Variants in ZAP70 observed in about 807,000 individuals in gnomAD.
ZAP70 encodes tyrosine-protein kinase ZAP-70.
In ZAP70, 27 loss-of-function variants were observed where a neutral mutation model predicts 65.8. That is an observed-to-expected ratio of 0.41 (90% CI 0.30 to 0.57). ZAP70 has a LOEUF of 0.57. ZAP70 is among the 20% of genes least tolerant of loss of function. The pLI is 0.28. For synonymous variants in ZAP70, 363 were observed against 360.8 expected (o/e 1.01, Z -0.07); for missense variants, 696 against 870.5 (o/e 0.80, Z 2.52).
At position 97,713,693 on chromosome 2, in the gene ZAP70, G is replaced by C. The variant is rs1277675193; in HGVS notation, c.-101+19G>C. ...CATTCAGGTAAGCGGCTGTCCTCGGGCCTTCTGCCTGTGTCCTGCCACCAG... is the reference window on the plus strand; with the variant it reads ...CATTCAGGTAAGCGGCTGTCCTCGGCCCTTCTGCCTGTGTCCTGCCACCAG... On this transcript the variant is annotated intron_variant, in intron 1 of 13. Transcript: ENST00000264972. 2 of 152,404 alleles carry C rather than the reference G, an allele frequency of 1.3e-5. No homozygotes were observed. The highest frequency in any genetic ancestry group is 3.9e-4 in the East Asian group (2 of 5,192). 9.4% of individuals were successfully genotyped at this position (152,404 alleles called of 1,614,324 possible). A position where few individuals can be genotyped will look rare whatever the true frequency, so the allele number is the denominator to read the frequency against.
intron 10 of ZAP70, among the ~76,000 whole-genome samples, chr2:97,735,692 G>C (rs188542875): frequency 1.3e-4 from 20 of 152,344 alleles, no homozygotes; most frequent in Middle Eastern, 3.4e-3. Flanking sequence ...GGGCCTTTGC[G>C]AGGATCGAAT....
At chr2:97,754,568 A>G in the ZAP70 span, among the ~76,000 whole-genome samples, 1 of 151,960 alleles carries the variant, frequency 6.6e-6, no homozygotes, top group Admixed American at 6.6e-5. Flanking sequence ...ACCCCCAGCT[A>G]ATTTTTGTAT....
chr2:97,716,203 C>G (rs1006510305), intron 2 of ZAP70, among the ~76,000 whole-genome samples: 7 of 152,158 alleles, frequency 4.6e-5, no homozygotes, highest in African/African-American at 1.7e-4. Context: ...GGCCCCTCCT[C>G]TCCCGCCATC....
the ZAP70 span, among the ~76,000 whole-genome samples, chr2:97,755,161 A>T: frequency 6.6e-6 from 1 of 152,364 alleles, no homozygotes; most frequent in South Asian, 2.1e-4. Context: ...AAGTTGGAAC[A>T]GGCAAGATTA....
chr2:97,732,803 G>A, intron 4 of ZAP70, 80 bp from the exon 5 acceptor site: 2 of 1,591,332 alleles, frequency 1.3e-6, no homozygotes, highest in Non-Finnish European at 1.7e-6. Context: ...AGCCCATAGG[G>A]TGTGTTGCGG....
At chr2:97,740,771 C>T (rs1037184200), downstream of ZAP70, among the ~76,000 whole-genome samples, 3 of 152,170 alleles carry the variant, frequency 2.0e-5, no homozygotes, top group Non-Finnish European at 4.4e-5. Context: ...TCTCCTTTTC[C>T]GCTAGCAGCA....
chr2:97,727,204 A>G (rs971657798), intron 4 of ZAP70, among the ~76,000 whole-genome samples: 2 of 152,284 alleles, frequency 1.3e-5, no homozygotes, highest in African/African-American at 4.8e-5. Context: ...TCATACGACC[A>G]AAACCAAAGT....
the ZAP70 span, among the ~76,000 whole-genome samples, chr2:97,753,305 A>G: frequency 8.5e-5 from 13 of 152,278 alleles, no homozygotes; most frequent in Admixed American, 2.0e-4. Context: ...AGGACCTCAC[A>G]ACTACTATAC....
intron 9 of ZAP70, 110 bp from the exon 10 acceptor site, chr2:97,735,140 A>G: frequency 7.3e-7 from 1 of 1,365,148 alleles, no homozygotes; most frequent in Non-Finnish European, 1.0e-6. Flanking sequence ...TGGCGACTAC[A>G]GTTGTCTACC....
intron 4 of ZAP70, 23 bp from the exon 5 acceptor site, chr2:97,732,860 C>T (rs1250276329): frequency 6.2e-7 from 1 of 1,613,416 alleles, no homozygotes; most frequent in African/African-American, 1.3e-5. Flanking sequence ...CTAGGGGTTA[C>T]ATCCCCTCCC....
At chr2:97,743,663 C>T (rs760297017), downstream of ZAP70, among the ~76,000 whole-genome samples, 3 of 152,142 alleles carry the variant, frequency 2.0e-5, no homozygotes, top group Non-Finnish European at 4.4e-5. Context: ...GCTGTTATTC[C>T]CTTCTTTATC....
chr2:97,739,648 T>C lies in ZAP70; in HGVS notation c.*150T>C, dbSNP rs1414673238. On this transcript the variant is annotated 3_prime_UTR_variant, in exon 14 of 14. Transcript: ENST00000264972. Reference sequence around the variant, plus strand: ...TGTCTCAGGCCACACCGGCCTTGCATTGCCTGCCTGGCCCCCTGTCCTCTC... The same window carrying C: ...TGTCTCAGGCCACACCGGCCTTGCACTGCCTGCCTGGCCCCCTGTCCTCTC... The C allele has an allele frequency of 8.1e-7, 1 of 1,236,846 alleles. No homozygotes were observed. Among genetic ancestry groups the C allele is most frequent in the Non-Finnish European group, 1.1e-6 (1 of 898,978 alleles). 76.6% of individuals were successfully genotyped at this position (1,236,846 alleles called of 1,614,324 possible).
At chr2:97,741,275 A>T, downstream of ZAP70, among the ~76,000 whole-genome samples, 1 of 152,122 alleles carries the variant, frequency 6.6e-6, no homozygotes, top group South Asian at 2.1e-4. Context: ...TGCTTGCAGG[A>T]TCTTTTCTCT....
At chr2:97,728,636 G>A (rs1039539816) in intron 4 of ZAP70, among the ~76,000 whole-genome samples, 1 of 152,206 alleles carries the variant, frequency 6.6e-6, no homozygotes, top group African/African-American at 2.4e-5. Context: ...TTGTACCCAG[G>A]GCTGTGCACT....
At chr2:97,726,106 G>A (rs1381791847) in intron 4 of ZAP70, among the ~76,000 whole-genome samples, 1 of 152,146 alleles carries the variant, frequency 6.6e-6, no homozygotes, top group Admixed American at 6.5e-5. Context: ...TAATACGTGT[G>A]AATCGAGAGT....
At position 97,733,685 on chromosome 2, in the gene ZAP70, G is replaced by C. The variant is rs968853486; in HGVS notation, c.889+90G>C. ...AGGGCTGTGGGGTTTCACGGGGGGCGCTGTGGGCCGGGCCAGGCTGTGGCA... is the reference window on the plus strand; with the variant it reads ...AGGGCTGTGGGGTTTCACGGGGGGCCCTGTGGGCCGGGCCAGGCTGTGGCA... On this transcript the variant is annotated intron_variant, in intron 8 of 13. Coordinates refer to ENST00000264972, the MANE Select transcript of ZAP70 (RefSeq NM_001079.4). 14 of 1,539,510 alleles carry C rather than the reference G, an allele frequency of 9.1e-6. No individual in the cohort carries two copies. In the African/African-American group the frequency reaches 1.9e-4, roughly 21 times the overall value.
At chr2:97,747,865 C>G in the ZAP70 span, among the ~76,000 whole-genome samples, 1 of 120,460 alleles carries the variant, frequency 8.3e-6, no homozygotes, top group Non-Finnish European at 1.6e-5. Flanking sequence ...GGTGACTGGC[C>G]GAGCCATCTG....
the ZAP70 span, among the ~76,000 whole-genome samples, chr2:97,745,654 C>T: frequency 1.3e-5 from 2 of 152,188 alleles, no homozygotes; most frequent in Non-Finnish European, 2.9e-5. Context: ...TGTGCACACA[C>T]CGTAACTACG....
chr2:97,719,984 C>T lies in ZAP70; in HGVS notation c.-21-4032C>T, dbSNP rs78041807. Among the ~76,000 whole-genome samples the T allele has an allele frequency of 7.7e-3, 1,178 of 152,222 alleles. 12 individuals carry two copies. Among genetic ancestry groups the T allele is most frequent in the African/African-American group, 0.024 (984 of 41,512 alleles). ...TCTTTCATCCAGCCTGAGGCCTTTG[C>T]GATGCGTTTGCGGAACTGCGTGTCT... On this transcript the variant is annotated intron_variant, in intron 2 of 13. Transcript: ENST00000264972.
Sources: allele counts gnomAD v4.1 joint callset (sites outside exome capture counted in the v4.1 genomes callset), GRCh38; gene constraint gnomAD v4.1.1; transcripts MANE v1.5; gene names NCBI Gene and HGNC (gene_info 2026-07-23, HGNC 2026-07-21).